ASAH1: variants seen among roughly 807,000 people sequenced by gnomAD.
ASAH1 encodes N-acylsphingosine amidohydrolase 1, also known as acid ceramidase.
In ASAH1, 70 loss-of-function variants were observed where a neutral mutation model predicts 59.5. The observed-to-expected ratio is 1.18, with a 90% CI of 0.97 to 1.43. ASAH1 has a LOEUF of 1.43. Among genes scored for constraint, ASAH1 ranks in the 40% most tolerant of loss-of-function variants. The pLI, the probability that ASAH1 is intolerant of heterozygous loss-of-function variation, is 0.00. For missense variants in ASAH1, 660 were observed against 482.5 expected, an observed-to-expected ratio of 1.37 and a Z score of -3.45; for synonymous variants, 213 against 166.5, an observed-to-expected ratio of 1.28 and a Z score of -2.15.
At chr8:18,082,454 T>C (rs557147954) in intron 1 of ASAH1, 37 of 152,302 alleles carry the variant, frequency 2.4e-4, no homozygotes, top group African/African-American at 8.2e-4. Flanking sequence ...AAGATTATTC[T>C]GAGACATGAC....
In ASAH1 at chr8:18,083,871, G is replaced by A. The variant is rs1022870724; in HGVS notation, c.78+110C>T. On this transcript the variant is annotated intron_variant, in intron 1 of 13. Coordinates refer to ENST00000637790, the MANE Select transcript of ASAH1 (RefSeq NM_177924.5). ...CGAAACCACAGACCCCCGTAAAGAA[G>A]CTGCCCAGCACGAGGTGTTCCTTGT... 6 of 1,524,160 alleles carry A rather than the reference G, an allele frequency of 3.9e-6. No homozygotes were observed. In the South Asian group the frequency reaches 4.9e-5, roughly 12 times the overall value. 94.4% of individuals were successfully genotyped at this position (1,524,160 alleles called of 1,614,324 possible). A position where few individuals can be genotyped will look rare whatever the true frequency, so the allele number is the denominator to read the frequency against.
intron 6 of ASAH1, chr8:18,064,128 G>C: frequency 4.0e-6 from 2 of 495,994 alleles, no homozygotes; most frequent in Non-Finnish European, 7.1e-6. Flanking sequence ...CATACACGAA[G>C]ATAAGGAAGC....
intron 5 of ASAH1, chr8:18,066,423 A>AAACAAAAACAAAC (rs2117043764): frequency 1.2e-4 from 1 of 8,228 alleles, no homozygotes; most frequent in East Asian, 4.7e-3. Flanking sequence ...AAAGAAAACC[A>AAACAAAAACAAAC]AAAAAAAAAA....
chr8:18,070,543 C>A (rs61236260), intron 3 of ASAH1, among the ~76,000 whole-genome samples: 65,010 of 151,764 alleles, frequency 0.43, 14,767 homozygotes, highest in Admixed American at 0.53. Context: ...CTCAGCCTCC[C>A]AAAGTACTGG....
At chr8:18,082,499 C>T (rs35629252) in intron 1 of ASAH1, 1 of 152,042 alleles carries the variant, frequency 6.6e-6, no homozygotes, top group African/African-American at 2.4e-5. Flanking sequence ...TGAAGATTTT[C>T]TCTAAGAACA....
chr8:18,080,214 T>C (rs2283118), intron 1 of ASAH1, among the ~76,000 whole-genome samples: 75,191 of 152,168 alleles, frequency 0.49, 19,011 homozygotes, highest in Non-Finnish European at 0.55. Context: ...GTCAACAATG[T>C]TGACATACGC....
Position 18,058,637 on chromosome 8 carries a change from A to ATC in ASAH1, c.1098+196_1098+197dup, listed in dbSNP as rs1422794238. On this transcript the variant is annotated intron_variant, in intron 13 of 13. Coordinates refer to ENST00000637790, the MANE Select transcript of ASAH1 (RefSeq NM_177924.5). ...AAAGCTATAAACAATATTCTGACCTATCAAGCCTCAGTGATCAATTTCTTT... is the reference window on the plus strand; with the variant it reads ...AAAGCTATAAACAATATTCTGACCTATCTCAAGCCTCAGTGATCAATTTCTTT... 4 of 604,736 alleles carry ATC rather than the reference A, an allele frequency of 6.6e-6. No homozygotes were observed. In the Admixed American group the frequency reaches 8.7e-5, roughly 13 times the overall value. The allele number at this position is 604,736 out of a possible 1,614,324, so 37.5% of individuals were successfully genotyped here. A position where few individuals can be genotyped will look rare whatever the true frequency, so the allele number is the denominator to read the frequency against.
At chr8:18,069,501 T>C (rs1045088325) in intron 4 of ASAH1, 1 of 316,148 alleles carries the variant, frequency 3.2e-6, no homozygotes, top group Admixed American at 4.8e-5. Context: ...TCTTCAATAG[T>C]GAACTCACTA....
chr8:18,076,928 T>C (rs571737806), intron 1 of ASAH1, among the ~76,000 whole-genome samples: 298 of 152,276 alleles, frequency 2.0e-3, no homozygotes, highest in Non-Finnish European at 3.8e-3. Flanking sequence ...CACATATGTC[T>C]GGCTTTGTCT....
intron 1 of ASAH1, among the ~76,000 whole-genome samples, chr8:18,079,548 G>T (rs777768931): frequency 6.6e-6 from 1 of 152,090 alleles, no homozygotes; most frequent in Non-Finnish European, 1.5e-5. Flanking sequence ...GAGCCCGAAA[G>T]AATTAGGAGA....
chr8:18,066,149 G>C (rs1354506675), intron 5 of ASAH1: 1 of 151,906 alleles, frequency 6.6e-6, no homozygotes, highest in Non-Finnish European at 1.5e-5. Flanking sequence ...ATATGACTTT[G>C]GGGTAGGCCA....
intron 2 of ASAH1, 70 bp from the exon 3 acceptor site, chr8:18,071,460 T>C (rs1800174889): frequency 3.9e-6 from 4 of 1,022,964 alleles, no homozygotes; most frequent in Admixed American, 2.0e-5. Context: ...GATACATCTA[T>C]AAGAATATAT....
intron 1 of ASAH1, among the ~76,000 whole-genome samples, chr8:18,080,002 G>A (rs182001946): frequency 5.3e-5 from 8 of 152,308 alleles, no homozygotes; most frequent in Admixed American, 2.0e-4. Flanking sequence ...ATTGGCTGAC[G>A]CATTCCCAGC....
chr8:18,082,420 A>G (rs750104485), intron 1 of ASAH1: 5 of 152,202 alleles, frequency 3.3e-5, no homozygotes, highest in Non-Finnish European at 5.9e-5. Flanking sequence ...GACATCAACA[A>G]TCCCACAGAT....
intron 1 of ASAH1, among the ~76,000 whole-genome samples, chr8:18,080,481 G>T (rs186435798): frequency 1.3e-5 from 2 of 152,190 alleles, no homozygotes; most frequent in African/African-American, 2.4e-5. Flanking sequence ...TAATACCACT[G>T]ACATCTCAAT....
chr8:18,075,748 C>T (rs1800378217), intron 1 of ASAH1, 161 bp from the exon 2 acceptor site: 2 of 659,914 alleles, frequency 3.0e-6, no homozygotes, highest in South Asian at 3.7e-5. Context: ...TCCAAGAAAA[C>T]TTCTAAAATC....
chr8:18,057,747 A>C (rs1377318511), intron 13 of ASAH1, 124 bp from the exon 14 acceptor site: 11 of 454,226 alleles, frequency 2.4e-5, no homozygotes, highest in Non-Finnish European at 4.3e-5. Context: ...AATATAACTT[A>C]ATATATGCAA....
At chr8:18,073,497 C>G (rs1408405569) in intron 2 of ASAH1, among the ~76,000 whole-genome samples, 1 of 152,180 alleles carries the variant, frequency 6.6e-6, no homozygotes, top group African/African-American at 2.4e-5. Context: ...CCAAGTGACA[C>G]AACACACACA....
At chr8:18,062,088 C>A in intron 8 of ASAH1, 191 bp downstream of exon 8, 1 of 749,030 alleles carries the variant, frequency 1.3e-6, no homozygotes, top group Non-Finnish European at 2.1e-6. Flanking sequence ...AGAAGAGGCT[C>A]AGAAACCTCC....
Sources: gnomAD v4.1 joint callset for allele counts (sites outside exome capture counted in the v4.1 genomes callset) on GRCh38, gnomAD v4.1.1 for gene constraint, MANE v1.5 for transcripts, NCBI Gene and HGNC (gene_info 2026-07-23, HGNC 2026-07-21) for gene names.